Variants in DCDC2 observed in about 807,000 individuals in gnomAD.
DCDC2 encodes the protein doublecortin domain-containing protein 2.
In DCDC2, 40 loss-of-function variants were observed where a neutral mutation model predicts 50.2. The ratio of observed to expected loss-of-function variants is 0.80; its 90% CI spans 0.62 to 1.04. The LOEUF (loss-of-function observed/expected upper bound fraction) is 1.04, where lower values mean the gene tolerates loss of function less well. Ranked by LOEUF, DCDC2 falls within the 50% of genes least tolerant of loss-of-function variation. The pLI is 0.00. For missense variants in DCDC2, 570 were observed against 581.9 expected (o/e 0.98, Z 0.21); for synonymous variants, 234 against 210.6 (o/e 1.11, Z -0.96).
At chr6:24,274,762 A>G (rs1232821973) in intron 7 of DCDC2, among the ~76,000 whole-genome samples, 1 of 152,052 alleles carries the variant, frequency 6.6e-6, no homozygotes, top group Non-Finnish European at 1.5e-5. Context: ...AAATAACGAA[A>G]AAATATGTGA....
intron 2 of DCDC2, among the ~76,000 whole-genome samples, chr6:24,344,971 C>A (rs1434011472): frequency 6.6e-6 from 1 of 152,078 alleles, no homozygotes; most frequent in Non-Finnish European, 1.5e-5. Flanking sequence ...GAAGAATTTG[C>A]AAAAGTGTGT....
chr6:24,175,808 TC>T (rs1760896465), intron 9 of DCDC2, among the ~76,000 whole-genome samples: 1 of 152,226 alleles, frequency 6.6e-6, no homozygotes, highest in South Asian at 2.1e-4. Context: ...TAGTAGACAG[TC>T]CTTCTGTAAA....
chr6:24,287,368 T>TC lies in DCDC2; in HGVS notation c.759+1483_759+1484insG, dbSNP rs1763637133. ...TGTATTTTATGTTATTTTGTTTCATTTTTTTGAGACAGGGTCTCACTCTGT... is the reference window on the plus strand; with the variant it reads ...TGTATTTTATGTTATTTTGTTTCATTCTTTTTGAGACAGGGTCTCACTCTGT... On this transcript the variant is annotated intron_variant, in intron 6 of 9. Transcript: ENST00000378454. Among the ~76,000 whole-genome samples, 10 of 151,338 alleles carry TC rather than the reference T, an allele frequency of 6.6e-5. No homozygotes were observed. In the South Asian group the frequency reaches 1.9e-3, roughly 29 times the overall value.
rs191608150 is a variant in DCDC2 at position 24,269,985 on chromosome 6, T to G, written c.922+8064A>C. ...ATCATCCCCATTTAAAAAGTTAATA[T>G]GAAATAGTGGAGAGTAGAAGAAGAA... On this transcript the variant is annotated intron_variant, in intron 7 of 9. Transcript: ENST00000378454. Among the ~76,000 whole-genome samples, 5 of 151,706 alleles carry G rather than the reference T, an allele frequency of 3.3e-5. No homozygotes were observed. The East Asian group carries it at 9.7e-4, about 29-fold the overall frequency.
chr6:24,271,590 G>A (rs2113813996), intron 7 of DCDC2, among the ~76,000 whole-genome samples: 1 of 152,266 alleles, frequency 6.6e-6, no homozygotes, highest in South Asian at 2.1e-4. Flanking sequence ...CTGACCTGGA[G>A]GCTCTGGCCT....
At chr6:24,193,683 G>C (rs1761359690) in intron 8 of DCDC2, among the ~76,000 whole-genome samples, 1 of 151,984 alleles carries the variant, frequency 6.6e-6, no homozygotes, top group Admixed American at 6.6e-5. Context: ...ATAATGTATA[G>C]ATATTAACCA....
At chr6:24,319,007 AT>A (rs1218239738) in intron 2 of DCDC2, among the ~76,000 whole-genome samples, 2 of 152,118 alleles carry the variant, frequency 1.3e-5, no homozygotes, top group Non-Finnish European at 2.9e-5. Context: ...AGAAATCTCC[AT>A]TATTTTCCAC....
rs1204163520 is a variant in DCDC2 at position 24,337,587 on chromosome 6, C to T, written c.348+15982G>A. The stretch of plus-strand genomic sequence containing the variant: ...GGTGGGCGGATCGCTTGAGGTCAGG[C>T]ATTCAAGACCGAGGTGGCCAACATG... On this transcript the variant is annotated intron_variant, in intron 2 of 9. Coordinates refer to ENST00000378454, the MANE Select transcript of DCDC2 (RefSeq NM_016356.5). 4.6e-5 allele frequency among the ~76,000 whole-genome samples: 7 copies of T among 152,000 alleles called. No homozygotes were observed. The East Asian group carries it at 1.4e-3, about 29-fold the overall frequency.
Position 24,204,973 on chromosome 6 carries a change from A to T in DCDC2, c.1023+29T>A. ...GGAAAAAAAACACTATAATTGTCTT[A>T]CACATATTTTTTAAGGCATGGAGAT... is the stretch of plus-strand genomic sequence containing the variant. On this transcript the variant is annotated intron_variant, in intron 8 of 9. Transcript: ENST00000378454. 15 of 1,590,946 alleles carry T rather than the reference A, an allele frequency of 9.4e-6. 1 individual carries two copies. Among genetic ancestry groups the T allele is most frequent in the Non-Finnish European group, 1.3e-5 (15 of 1,164,532 alleles).
At position 24,174,684 on chromosome 6, in the gene DCDC2, C is replaced by A. The variant is rs752077093; in HGVS notation, c.*46G>T. 3.1e-6 allele frequency: 4 copies of A among 1,307,746 alleles called. No individual in the cohort carries two copies. Among genetic ancestry groups the A allele is most frequent in the East Asian group, 4.6e-5 (2 of 43,270 alleles). 81.0% of individuals were successfully genotyped at this position (1,307,746 alleles called of 1,614,324 possible). A position where few individuals can be genotyped will look rare whatever the true frequency, so the allele number is the denominator to read the frequency against. ...TGTGCTTATCTTTCAAGTATGATAACCCTTCATTTTTCTTGCGATCCATAT... is the reference window on the plus strand; with the variant it reads ...TGTGCTTATCTTTCAAGTATGATAAACCTTCATTTTTCTTGCGATCCATAT... On this transcript the variant is annotated 3_prime_UTR_variant, in exon 10 of 10. Coordinates refer to ENST00000378454, the MANE Select transcript of DCDC2 (RefSeq NM_016356.5).
intron 8 of DCDC2, among the ~76,000 whole-genome samples, chr6:24,190,366 T>G (rs1761288862): frequency 6.6e-6 from 1 of 152,120 alleles, no homozygotes; most frequent in Admixed American, 6.6e-5. Flanking sequence ...GATGTTTGGT[T>G]TTTCGTCCTT....
At chr6:24,320,392 T>C (rs1177221242) in intron 2 of DCDC2, among the ~76,000 whole-genome samples, 1 of 152,110 alleles carries the variant, frequency 6.6e-6, no homozygotes, top group East Asian at 1.9e-4. Context: ...AATGCAGTGG[T>C]ACAATCTTGG....
intron 8 of DCDC2, among the ~76,000 whole-genome samples, chr6:24,186,360 T>C (rs1761202795): frequency 6.6e-6 from 1 of 152,218 alleles, no homozygotes; most frequent in Non-Finnish European, 1.5e-5. Flanking sequence ...ATGTGATTAT[T>C]ATTTCCATTG....
intron 8 of DCDC2, among the ~76,000 whole-genome samples, chr6:24,197,238 C>T (rs996207634): frequency 2.6e-5 from 4 of 152,218 alleles, no homozygotes; most frequent in African/African-American, 7.2e-5. Context: ...CAAGGCTGTT[C>T]GAGCATTATC....
chr6:24,226,499 G>T (rs1762236802), intron 7 of DCDC2, among the ~76,000 whole-genome samples: 1 of 152,186 alleles, frequency 6.6e-6, no homozygotes, highest in African/African-American at 2.4e-5. Context: ...GGCAAGACTT[G>T]CATCCAAAAG....
chr6:24,185,688 TACACAC>T (rs35379687), intron 8 of DCDC2, among the ~76,000 whole-genome samples: 8,113 of 144,410 alleles, frequency 0.056, 427 homozygotes, highest in African/African-American at 0.14. Flanking sequence ...TCCATACACA[TACACAC>T]ACACACACAC....
chr6:24,210,587 C>A (rs1344771726), intron 7 of DCDC2, among the ~76,000 whole-genome samples: 3 of 152,194 alleles, frequency 2.0e-5, no homozygotes, highest in Non-Finnish European at 4.4e-5. Context: ...TTATTTCTAT[C>A]TCCACTCCCA....
At chr6:24,214,777 T>C (rs1392750817) in intron 7 of DCDC2, among the ~76,000 whole-genome samples, 1 of 152,242 alleles carries the variant, frequency 6.6e-6, no homozygotes, top group Non-Finnish European at 1.5e-5. Flanking sequence ...TTAGTCCAAC[T>C]TCCTCCAAAT....
chr6:24,273,763 A>C (rs1561753239), intron 7 of DCDC2, among the ~76,000 whole-genome samples: 1 of 152,198 alleles, frequency 6.6e-6, no homozygotes, highest in East Asian at 1.9e-4. Flanking sequence ...AATTGCAGTA[A>C]CGCTTCATGC....
Sources: allele counts gnomAD v4.1 joint callset (sites outside exome capture counted in the v4.1 genomes callset), GRCh38; gene constraint gnomAD v4.1.1; transcripts MANE v1.5; gene names NCBI Gene and HGNC (gene_info 2026-07-23, HGNC 2026-07-21).